ARK2N: variants seen among roughly 807,000 people sequenced by gnomAD.
ARK2N encodes protein ARK2N.
chr18:46,229,022 T>C, the ARK2N span: 1 of 379,516 alleles, frequency 2.6e-6, no homozygotes, highest in African/African-American at 2.1e-5. Context: ...AATGCCAGAA[T>C]ACACTGATTA....
the ARK2N span, among the ~76,000 whole-genome samples, chr18:46,175,175 A>G: frequency 7.0e-6 from 1 of 143,776 alleles, no homozygotes; most frequent in Non-Finnish European, 1.5e-5. Flanking sequence ...CACAGGTTGA[A>G]GTAGAGAACA....
the ARK2N span, among the ~76,000 whole-genome samples, chr18:46,187,430 C>T: frequency 2.0e-5 from 3 of 151,688 alleles, no homozygotes; most frequent in Non-Finnish European, 2.9e-5. Context: ...CAACCTCCGC[C>T]TCCCGGGTTC....
At chr18:46,214,202 A>C in the ARK2N span, among the ~76,000 whole-genome samples, 1 of 152,194 alleles carries the variant, frequency 6.6e-6, no homozygotes, top group Non-Finnish European at 1.5e-5. Context: ...GATTTTGCAA[A>C]TATTTCCTAG....
At chr18:46,211,941 C>T in the ARK2N span, among the ~76,000 whole-genome samples, 8 of 151,962 alleles carry the variant, frequency 5.3e-5, no homozygotes, top group African/African-American at 1.9e-4. Flanking sequence ...CTATTTTTTT[C>T]CCCTTGACCA....
the ARK2N span, among the ~76,000 whole-genome samples, chr18:46,235,026 AG>A: frequency 1.3e-3 from 200 of 152,282 alleles, no homozygotes; most frequent in African/African-American, 4.7e-3. Flanking sequence ...AGCAATAGAA[AG>A]GGAGGGGGGA....
chr18:46,213,868 TG>T, the ARK2N span, among the ~76,000 whole-genome samples: 1 of 152,100 alleles, frequency 6.6e-6, no homozygotes. Flanking sequence ...GGCCAATTTT[TG>T]TATTTTTAGT....
the ARK2N span, among the ~76,000 whole-genome samples, chr18:46,236,218 G>T: frequency 6.6e-6 from 1 of 152,108 alleles, no homozygotes; most frequent in Non-Finnish European, 1.5e-5. Context: ...TTGCTGTGTT[G>T]CCCAGGCTAG....
At chr18:46,266,398 C>T in the ARK2N span, 2 of 152,582 alleles carry the variant, frequency 1.3e-5, no homozygotes, top group African/African-American at 4.8e-5. Flanking sequence ...AATGATTGTG[C>T]CCTAACCAAA....
At chr18:46,221,883 CT>C in the ARK2N span, among the ~76,000 whole-genome samples, 1 of 152,190 alleles carries the variant, frequency 6.6e-6, no homozygotes, top group Admixed American at 6.5e-5. Context: ...CCTCATGTCC[CT>C]ATTTTAAGCC....
the ARK2N span, among the ~76,000 whole-genome samples, chr18:46,205,154 C>T: frequency 3.9e-5 from 6 of 151,966 alleles, no homozygotes; most frequent in African/African-American, 9.7e-5. Flanking sequence ...GCAATCTGCC[C>T]GCCTCGGCCC....
At chr18:46,181,869 T>C in the ARK2N span, among the ~76,000 whole-genome samples, 1,743 of 152,240 alleles carry the variant, frequency 0.011, 60 homozygotes, top group East Asian at 0.12. Context: ...CAGCCTCTCA[T>C]AGTGCTGGGA....
At chr18:46,212,927 C>T in the ARK2N span, among the ~76,000 whole-genome samples, 1 of 150,480 alleles carries the variant, frequency 6.6e-6, no homozygotes, top group Non-Finnish European at 1.5e-5. Context: ...TGATGCTTGT[C>T]CTATATAGCT....
At chr18:46,177,070 G>C in the ARK2N span, among the ~76,000 whole-genome samples, 1 of 152,174 alleles carries the variant, frequency 6.6e-6, no homozygotes, top group Non-Finnish European at 1.5e-5. Context: ...GATTTTTAAT[G>C]TGTTCCTTTA....
chr18:46,188,034 A>G, the ARK2N span, among the ~76,000 whole-genome samples: 1 of 152,184 alleles, frequency 6.6e-6, no homozygotes, highest in Non-Finnish European at 1.5e-5. Context: ...TACATTGAGC[A>G]TAATTTTAAG....
chr18:46,216,154 C>T, the ARK2N span: 2 of 1,614,034 alleles, frequency 1.2e-6, no homozygotes, highest in South Asian at 1.1e-5. The surrounding 1 kb of genome is among the most constrained non-coding windows in gnomAD (Gnocchi z 4.3). Flanking sequence ...CTCCTCTAAT[C>T]ACTGCATGCT....
chr18:46,214,478 T>G, the ARK2N span, among the ~76,000 whole-genome samples: 1 of 152,244 alleles, frequency 6.6e-6, no homozygotes, highest in South Asian at 2.1e-4. Flanking sequence ...TGCTGGTCTT[T>G]GAATGATGTC....
chr18:46,242,155 G>A, the ARK2N span, among the ~76,000 whole-genome samples: 1 of 152,028 alleles, frequency 6.6e-6, no homozygotes, highest in South Asian at 2.1e-4. Context: ...TCATCCTTTG[G>A]CAATTAAGTC....
the ARK2N span, among the ~76,000 whole-genome samples, chr18:46,174,759 C>T: frequency 6.6e-6 from 1 of 152,194 alleles, no homozygotes; most frequent in African/African-American, 2.4e-5. Context: ...CTTTCCGGCT[C>T]CTAGGCCCGC....
At chr18:46,187,692 C>T in the ARK2N span, among the ~76,000 whole-genome samples, 2 of 152,106 alleles carry the variant, frequency 1.3e-5, no homozygotes, top group African/African-American at 4.8e-5. Context: ...TAACTATATT[C>T]TTGTTTGTGG....
Sources: allele counts gnomAD v4.1 joint callset (sites outside exome capture counted in the v4.1 genomes callset), GRCh38; gene constraint gnomAD v4.1.1; non-coding constraint Gnocchi (gnomAD v3.1); transcripts MANE v1.5; gene names NCBI Gene and HGNC (gene_info 2026-07-23, HGNC 2026-07-21).